Variants in RMDN1 observed in about 807,000 individuals in gnomAD.
RMDN1 encodes regulator of microtubule dynamics protein 1.
In RMDN1, 48 loss-of-function variants were observed where a neutral mutation model predicts 48.9. The observed-to-expected ratio is 0.98, with a 90% CI of 0.78 to 1.25. The LOEUF (loss-of-function observed/expected upper bound fraction) is 1.25, where lower values mean the gene tolerates loss of function less well. Ranked by LOEUF, RMDN1 falls within the 50% of genes most tolerant of loss-of-function variation. The pLI is 0.00. For synonymous variants in RMDN1, 148 were observed against 132.6 expected (o/e 1.12, Z -0.80); for missense variants, 418 against 373.4 (o/e 1.12, Z -0.98).
At chr8:86,505,804 G>A (rs1459400406) in intron 2 of RMDN1, among the ~76,000 whole-genome samples, 1 of 152,006 alleles carries the variant, frequency 6.6e-6, no homozygotes, top group Admixed American at 6.6e-5. Flanking sequence ...ATTATTGGAG[G>A]GTATATTATG....
At position 86,484,963 on chromosome 8, in the gene RMDN1, T is replaced by G; in HGVS notation, c.496-2A>C. On this transcript the variant is annotated splice_acceptor_variant, in intron 4 of 9. Coordinates refer to ENST00000406452, the MANE Select transcript of RMDN1 (RefSeq NM_016033.3). LOFTEE classifies it high-confidence loss of function. ...ATCACTAAGGCAGATTGCATACCAC[T>G]GAAAATTTAAAAAAGTGTAAGAACA... 1 of 1,557,644 alleles carries G rather than the reference T, an allele frequency of 6.4e-7. No homozygotes were observed. Among genetic ancestry groups the G allele is most frequent in the South Asian group, 1.2e-5 (1 of 86,104 alleles).
At chr8:86,486,424 A>G (rs1473034613) in intron 4 of RMDN1, 60 bp downstream of exon 4, 10 of 1,200,812 alleles carry the variant, frequency 8.3e-6, no homozygotes, top group Non-Finnish European at 1.1e-5. Flanking sequence ...CAGAGATAAT[A>G]GAAAAATATA....
downstream of RMDN1, chr8:86,468,745 A>T (rs1387106340): frequency 4.4e-6 from 2 of 455,976 alleles, no homozygotes; most frequent in South Asian, 3.1e-5. Flanking sequence ...TGGAGAATTC[A>T]TCAGGGTCTT....
chr8:86,500,698 A>T (rs1047499701), intron 2 of RMDN1, among the ~76,000 whole-genome samples: 14 of 152,108 alleles, frequency 9.2e-5, no homozygotes, highest in Admixed American at 4.6e-4. Flanking sequence ...CTGAGAATAT[A>T]CCCAAAGAAA....
At chr8:86,498,267 A>G (rs1254215006) in intron 2 of RMDN1, among the ~76,000 whole-genome samples, 2 of 151,816 alleles carry the variant, frequency 1.3e-5, no homozygotes, top group African/African-American at 4.8e-5. Context: ...GTAAAAAAAA[A>G]AAACCTACCA....
intron 2 of RMDN1, among the ~76,000 whole-genome samples, chr8:86,496,216 G>A (rs1057425203): frequency 1.3e-5 from 2 of 152,182 alleles, no homozygotes; most frequent in Non-Finnish European, 2.9e-5. Flanking sequence ...AGTTCATAGC[G>A]ACACTGTAAA....
chr8:86,484,890 G>A lies in RMDN1; in HGVS notation c.567C>T (p.Ile189=), dbSNP rs1815199765. ...TCAGTACCTCAAAATGCTCCTTGAT[G>A]ATATATGCATTTGCAATTTTAGCCT... ...GIKAKIANAY[I]IKEHFEKAIE... Residue 189 remains isoleucine (I), a synonymous_variant, in exon 5 of 10, where the codon ATC becomes ATT. Transcript: ENST00000406452. 6.3e-7 allele frequency: 1 copy of A among 1,594,272 alleles called. No individual in the cohort carries two copies. The highest frequency in any genetic ancestry group is 1.7e-5 in the Admixed American group (1 of 58,870).
chr8:86,482,971 C>T (rs762835186), intron 5 of RMDN1: 45 of 725,626 alleles, frequency 6.2e-5, no homozygotes, highest in Non-Finnish European at 9.4e-5. Context: ...CTGTGGCAGC[C>T]GCACTCGCTG....
chr8:86,508,483 C>A lies in RMDN1; in HGVS notation c.129+9G>T. On this transcript the variant is annotated intron_variant, in intron 1 of 9. Transcript: ENST00000406452. The stretch of plus-strand genomic sequence containing the variant: ...AAGTGAGGAGCGGGAGCCAGGACCA[C>A]GGGGGTACCTCGAAGCCGCGGAATC... 1 of 1,543,664 alleles carries A rather than the reference C, an allele frequency of 6.5e-7. No homozygotes were observed. Among genetic ancestry groups the A allele is most frequent in the Non-Finnish European group, 8.7e-7 (1 of 1,144,742 alleles).
Position 86,472,690 on chromosome 8 carries a change from G to A in RMDN1, c.*1618C>T, listed in dbSNP as rs72690414. 0.064 allele frequency: 34,223 copies of A among 533,026 alleles called. 1,467 individuals carry two copies. Among genetic ancestry groups the A allele is most frequent in the Non-Finnish European group, 0.087 (26,273 of 303,392 alleles). The allele number at this position is 533,026 out of a possible 1,614,324, so 33.0% of individuals were successfully genotyped here. A position where few individuals can be genotyped will look rare whatever the true frequency, so the allele number is the denominator to read the frequency against. ...TTTTGCCATCCTTGTTCCTGTGCGA[G>A]TTATGTCATATTTTTTACTGTTAAG... is the stretch of plus-strand genomic sequence containing the variant. On this transcript the variant is annotated 3_prime_UTR_variant, in exon 10 of 10. Coordinates refer to ENST00000406452, the MANE Select transcript of RMDN1 (RefSeq NM_016033.3).
At chr8:86,470,604 C>T (rs1812461178), downstream of RMDN1, among the ~76,000 whole-genome samples, 1 of 152,116 alleles carries the variant, frequency 6.6e-6, no homozygotes, top group Admixed American at 6.5e-5. Flanking sequence ...ATATAATGCT[C>T]ATAGCAGCTT....
chr8:86,504,871 T>C, intron 2 of RMDN1: 1 of 1,087,052 alleles, frequency 9.2e-7, no homozygotes, highest in Non-Finnish European at 1.4e-6. Context: ...GCCTGTATTT[T>C]TATTATCTTC....
intron 2 of RMDN1, among the ~76,000 whole-genome samples, chr8:86,505,897 C>T (rs570001588): frequency 2.0e-5 from 3 of 152,096 alleles, no homozygotes; most frequent in Non-Finnish European, 4.4e-5. Flanking sequence ...AAGTCATATG[C>T]CTACATAATA....
intron 2 of RMDN1, chr8:86,503,702 A>G: frequency 2.1e-6 from 1 of 472,476 alleles, no homozygotes; most frequent in Non-Finnish European, 4.2e-6. Flanking sequence ...GGAATTTATC[A>G]ATAACACTTT....
downstream of RMDN1, chr8:86,470,339 GT>G (rs1178835508): frequency 4.7e-6 from 6 of 1,289,190 alleles, no homozygotes; most frequent in Non-Finnish European, 5.1e-6. Flanking sequence ...CCTGGGGTTT[GT>G]TCTCAGTAAT....
intron 2 of RMDN1, among the ~76,000 whole-genome samples, chr8:86,500,690 G>A (rs1818061013): frequency 6.6e-6 from 1 of 152,002 alleles, no homozygotes; most frequent in Non-Finnish European, 1.5e-5. Flanking sequence ...TCCCACTACT[G>A]AGAATATACC....
chr8:86,494,653 C>T (rs1262446141), intron 2 of RMDN1, among the ~76,000 whole-genome samples: 3 of 152,164 alleles, frequency 2.0e-5, no homozygotes, highest in Non-Finnish European at 2.9e-5. Flanking sequence ...CCAACTTGTG[C>T]AGGCCTCATA....
upstream of RMDN1, among the ~76,000 whole-genome samples, chr8:86,511,842 A>G (rs1820062293): frequency 1.3e-5 from 2 of 152,260 alleles, no homozygotes; most frequent in Middle Eastern, 3.4e-3. Flanking sequence ...AAAAGAAAAA[A>G]AAAAGCTATA....
intron 5 of RMDN1, chr8:86,482,041 T>G (rs1814574256): frequency 2.9e-6 from 2 of 695,748 alleles, no homozygotes; most frequent in Admixed American, 4.6e-5. Context: ...TCGTAAATGC[T>G]AATCACTGGT....
Sources: gnomAD v4.1 joint callset for allele counts (sites outside exome capture counted in the v4.1 genomes callset) on GRCh38, gnomAD v4.1.1 for gene constraint, MANE v1.5 for transcripts, NCBI Gene and HGNC (gene_info 2026-07-23, HGNC 2026-07-21) for gene names.